Variants in EIF4EBP1 observed in about 807,000 individuals in gnomAD.
EIF4EBP1 encodes eukaryotic translation initiation factor 4E-binding protein 1.
A neutral mutation model predicts 9.2 loss-of-function variants in EIF4EBP1; 5 were observed. The observed-to-expected ratio is 0.54, with a 90% CI of 0.28 to 1.14. The LOEUF is 1.14. Ranked by LOEUF, EIF4EBP1 falls within the 50% of genes most tolerant of loss-of-function variation. EIF4EBP1 has a pLI of 0.09. For missense variants in EIF4EBP1, 139 were observed against 169.6 expected (o/e 0.82, Z 1.00); for synonymous variants, 62 against 67.0 (o/e 0.93, Z 0.36).
chr8:38,035,522 T>TATTTC (rs1809287556), intron 1 of EIF4EBP1, among the ~76,000 whole-genome samples: 1 of 149,942 alleles, frequency 6.7e-6, no homozygotes, highest in Admixed American at 6.7e-5. Flanking sequence ...CCGGCCTTAT[T>TATTTC]ATTTTATTTT....
intron 2 of EIF4EBP1, among the ~76,000 whole-genome samples, chr8:38,058,791 C>T (rs1175867521): frequency 1.3e-5 from 2 of 152,322 alleles, no homozygotes; most frequent in East Asian, 3.9e-4. Flanking sequence ...CCCCTAAAAA[C>T]ATCAGCTGGT....
In EIF4EBP1 at chr8:38,057,075, T is replaced by C; in HGVS notation, c.146-6T>C. 1 of 1,541,120 alleles carries C rather than the reference T, an allele frequency of 6.5e-7. No homozygotes were observed. The highest frequency in any genetic ancestry group is 8.8e-7 in the Non-Finnish European group (1 of 1,141,110). ...TGGCTTGACCAACCTCCCTGTTCCC[T>C]TCTAGGTACCAGGATCATCTATGAC... On this transcript the variant is annotated splice_region_variant and splice_polypyrimidine_tract_variant and intron_variant, in intron 1 of 2. Coordinates refer to ENST00000338825, the MANE Select transcript of EIF4EBP1 (RefSeq NM_004095.4).
At chr8:38,034,906 C>T (rs982900587) in intron 1 of EIF4EBP1, among the ~76,000 whole-genome samples, 1 of 152,126 alleles carries the variant, frequency 6.6e-6, no homozygotes, top group African/African-American at 2.4e-5. Flanking sequence ...GACATTAATG[C>T]AGTGAGGGAG....
intron 1 of EIF4EBP1, among the ~76,000 whole-genome samples, chr8:38,055,989 T>G (rs1809589680): frequency 6.6e-6 from 1 of 151,726 alleles, no homozygotes; most frequent in South Asian, 2.1e-4. Flanking sequence ...CCTTCACTCC[T>G]GCCTCTGGCT....
intron 1 of EIF4EBP1, among the ~76,000 whole-genome samples, chr8:38,045,766 A>C (rs907233551): frequency 1.3e-5 from 2 of 152,068 alleles, no homozygotes; most frequent in Non-Finnish European, 2.9e-5. Flanking sequence ...TTAGAGACAG[A>C]TCTTGTTCTG....
intron 1 of EIF4EBP1, among the ~76,000 whole-genome samples, chr8:38,035,630 G>T (rs911564093): frequency 6.6e-6 from 1 of 152,002 alleles, no homozygotes; most frequent in South Asian, 2.1e-4. Flanking sequence ...CCAGGTTCAG[G>T]CTGAGACAGG....
intron 1 of EIF4EBP1, among the ~76,000 whole-genome samples, chr8:38,042,254 A>C (rs939470355): frequency 2.0e-5 from 3 of 152,182 alleles, no homozygotes; most frequent in Admixed American, 6.5e-5. Context: ...TGTGCCCAGC[A>C]GTACAAAACC....
At chr8:38,037,193 A>G (rs953498836) in intron 1 of EIF4EBP1, among the ~76,000 whole-genome samples, 1 of 152,128 alleles carries the variant, frequency 6.6e-6, no homozygotes, top group African/African-American at 2.4e-5. Context: ...ATTTTTTCTG[A>G]GCAGTCTTAC....
At chr8:38,038,291 G>A (rs1225370979) in intron 1 of EIF4EBP1, among the ~76,000 whole-genome samples, 3 of 151,428 alleles carry the variant, frequency 2.0e-5, no homozygotes, top group South Asian at 2.1e-4. Context: ...GGTGGATCAC[G>A]AGGTCAAGAG....
chr8:38,036,899 C>T (rs1251100633), intron 1 of EIF4EBP1, among the ~76,000 whole-genome samples: 1 of 151,798 alleles, frequency 6.6e-6, no homozygotes, highest in African/African-American at 2.4e-5. Context: ...ATCCACCCGC[C>T]TTGACCTCCC....
At chr8:38,045,435 G>T (rs1009884499) in intron 1 of EIF4EBP1, among the ~76,000 whole-genome samples, 1 of 151,866 alleles carries the variant, frequency 6.6e-6, no homozygotes, top group African/African-American at 2.4e-5. Flanking sequence ...TGTCTCTATG[G>T]CTTTATTTAT....
chr8:38,057,958 G>A (rs1809620494), intron 2 of EIF4EBP1, among the ~76,000 whole-genome samples: 1 of 152,168 alleles, frequency 6.6e-6, no homozygotes, highest in Non-Finnish European at 1.5e-5. Flanking sequence ...GCACTTCCGG[G>A]CAACTATAAT....
At chr8:38,049,160 A>T (rs1809485140) in intron 1 of EIF4EBP1, among the ~76,000 whole-genome samples, 1 of 151,378 alleles carries the variant, frequency 6.6e-6, no homozygotes, top group African/African-American at 2.4e-5. Flanking sequence ...GAAAAAAGAG[A>T]AGTATCTCTG....
At chr8:38,040,203 A>C (rs1387455230) in intron 1 of EIF4EBP1, among the ~76,000 whole-genome samples, 1 of 152,178 alleles carries the variant, frequency 6.6e-6, no homozygotes, top group Admixed American at 6.5e-5. Context: ...ACACTGAACA[A>C]GCCAGTATTG....
At chr8:38,052,364 G>A (rs923717292) in intron 1 of EIF4EBP1, among the ~76,000 whole-genome samples, 1 of 149,558 alleles carries the variant, frequency 6.7e-6, no homozygotes, top group African/African-American at 2.6e-5. Context: ...AGGCTCAAGC[G>A]ATCCTCCCAT....
At chr8:38,043,202 G>A (rs1208031881) in intron 1 of EIF4EBP1, among the ~76,000 whole-genome samples, 1 of 152,066 alleles carries the variant, frequency 6.6e-6, no homozygotes, top group Admixed American at 6.6e-5. Context: ...ATTCCCTATT[G>A]GTAATGAATT....
chr8:38,050,269 T>G (rs974249474), intron 1 of EIF4EBP1, among the ~76,000 whole-genome samples: 1 of 152,192 alleles, frequency 6.6e-6, no homozygotes, highest in Non-Finnish European at 1.5e-5. Context: ...CTCCTGTTGA[T>G]TTGCTTAGAT....
At chr8:38,051,599 A>T (rs1418005766) in intron 1 of EIF4EBP1, among the ~76,000 whole-genome samples, 5 of 151,042 alleles carry the variant, frequency 3.3e-5, no homozygotes, top group South Asian at 4.2e-4. Context: ...TTTTATTTAT[A>T]TTTTTTTTTA....
intron 1 of EIF4EBP1, among the ~76,000 whole-genome samples, chr8:38,041,886 G>A (rs1451665949): frequency 6.6e-6 from 1 of 152,038 alleles, no homozygotes; most frequent in Non-Finnish European, 1.5e-5. Flanking sequence ...TAGTTACTTG[G>A]GAAGCTGAGG....
Sources: gnomAD v4.1 joint callset for allele counts (sites outside exome capture counted in the v4.1 genomes callset) on GRCh38, gnomAD v4.1.1 for gene constraint, MANE v1.5 for transcripts, NCBI Gene and HGNC (gene_info 2026-07-23, HGNC 2026-07-21) for gene names.